Variants in WDR75 observed in about 807,000 individuals in gnomAD.
WDR75 encodes the protein WD repeat-containing protein 75.
Under a neutral mutation model 106.1 loss-of-function variants are expected in WDR75, and 52 were observed. The ratio of observed to expected loss-of-function variants is 0.49; its 90% CI spans 0.39 to 0.62. The LOEUF (loss-of-function observed/expected upper bound fraction) is 0.62, where lower values mean the gene tolerates loss of function less well. WDR75 is among the 20% of genes least tolerant of loss of function. WDR75 has a pLI of 0.00. For missense variants in WDR75, 905 were observed against 970.3 expected (o/e 0.93, Z 0.89); for synonymous variants, 333 against 335.5 (o/e 0.99, Z 0.08).
At position 189,441,507 on chromosome 2, in the gene WDR75, G is replaced by T; in HGVS notation, c.15G>T (p.Glu5Asp). 1.9e-6 allele frequency: 3 copies of T among 1,564,874 alleles called. No homozygotes were observed. The highest frequency in any genetic ancestry group is 2.6e-6 in the Non-Finnish European group (3 of 1,153,340). The change falls in exon 1 of 21, where the codon GAG becomes GAT. Residue 5 changes from glutamate to aspartate, a missense_variant. Coordinates refer to ENST00000314761, the MANE Select transcript of WDR75 (RefSeq NM_032168.3). The part of the protein sequence containing the change: MVEE[E>D]NIRVVRCGGS... ...ACTGCGCAAAGATGGTGGAGGAGGA[G>T]AACATCCGCGTGGTTCGTTGTGGCG...
intron 16 of WDR75, 84 bp downstream of exon 16, chr2:189,469,523 C>T: frequency 8.6e-7 from 1 of 1,165,458 alleles, no homozygotes; most frequent in Non-Finnish European, 1.3e-6. Context: ...AACTTGCCTT[C>T]ACATCAGATG....
Position 189,450,982 on chromosome 2 carries a change from T to C in WDR75, c.282+14T>C. The C allele has an allele frequency of 6.3e-7, 1 of 1,588,342 alleles. No individual in the cohort carries two copies. The highest frequency in any genetic ancestry group is 8.5e-7 in the Non-Finnish European group (1 of 1,173,490). ...ATCTTAATAAAGGTATGTGGATTGA[T>C]CTTTACTTTTCGTTATGTGAATAAA... On this transcript the variant is annotated intron_variant, in intron 3 of 20. Coordinates refer to ENST00000314761, the MANE Select transcript of WDR75 (RefSeq NM_032168.3).
chr2:189,447,749 T>C (rs1471060318), intron 1 of WDR75, among the ~76,000 whole-genome samples: 1 of 152,198 alleles, frequency 6.6e-6, no homozygotes, highest in Non-Finnish European at 1.5e-5. Context: ...GATGTCCCCA[T>C]AGACAAAAGG....
intron 2 of WDR75, chr2:189,450,301 C>A: frequency 1.0e-6 from 1 of 985,632 alleles, no homozygotes; most frequent in Non-Finnish European, 1.2e-6. Flanking sequence ...ACTGAGTAAG[C>A]TGAGTTCTGG....
intron 6 of WDR75, 79 bp from the exon 7 acceptor site, chr2:189,458,674 A>C: frequency 1.6e-6 from 2 of 1,262,248 alleles, no homozygotes; most frequent in Non-Finnish European, 2.1e-6. Flanking sequence ...TATTGCTGGG[A>C]ACTCTCTTTT....
At chr2:189,450,721 T>A in intron 2 of WDR75, 182 bp from the exon 3 acceptor site, 1 of 1,402,298 alleles carries the variant, frequency 7.1e-7, no homozygotes, top group Non-Finnish European at 9.2e-7. Flanking sequence ...TGGATCTGCT[T>A]CTTGCAGAAA....
chr2:189,449,110 T>C lies in WDR75; in HGVS notation c.216+602T>C, dbSNP rs534785991. On this transcript the variant is annotated intron_variant, in intron 2 of 20. Transcript: ENST00000314761. ...CACGTCCCCCACAAAGCAGCCCTTC[T>C]TTCTTAGTATTTAAGAATAATGAAA... 64 of 561,826 alleles carry C rather than the reference T, an allele frequency of 1.1e-4. No homozygotes were observed. In the East Asian group the frequency reaches 4.1e-3, roughly 36 times the overall value. The allele number at this position is 561,826 out of a possible 1,614,324, so 34.8% of individuals were successfully genotyped here. A position where few individuals can be genotyped will look rare whatever the true frequency, so the allele number is the denominator to read the frequency against.
intron 6 of WDR75, among the ~76,000 whole-genome samples, chr2:189,458,283 G>A (rs1686783695): frequency 6.6e-6 from 1 of 152,130 alleles, no homozygotes; most frequent in Admixed American, 6.5e-5. Context: ...AGATTGACAA[G>A]TATTCAGCCA....
At chr2:189,459,906 T>A (rs1686825596) in intron 8 of WDR75, among the ~76,000 whole-genome samples, 1 of 152,224 alleles carries the variant, frequency 6.6e-6, no homozygotes, top group Non-Finnish European at 1.5e-5. Flanking sequence ...GACCTGGTTC[T>A]GATTTTAGAG....
chr2:189,455,551 T>C, intron 5 of WDR75, 107 bp downstream of exon 5: 1 of 1,383,038 alleles, frequency 7.2e-7, no homozygotes, highest in South Asian at 1.5e-5. Context: ...CTTGAATTAC[T>C]ATATTTGTAT....
At chr2:189,447,502 G>A (rs1686525750) in intron 1 of WDR75, among the ~76,000 whole-genome samples, 1 of 152,214 alleles carries the variant, frequency 6.6e-6, no homozygotes, top group South Asian at 2.1e-4. Context: ...CCATGGAGAT[G>A]TTGGGGACAT....
At chr2:189,448,288 A>C in intron 1 of WDR75, 91 bp from the exon 2 acceptor site, 1 of 1,385,652 alleles carries the variant, frequency 7.2e-7, no homozygotes, top group East Asian at 2.6e-5. Flanking sequence ...GTTCAAGACC[A>C]CTGAAACAAT....
intron 12 of WDR75, 33 bp from the exon 13 acceptor site, chr2:189,466,392 G>C: frequency 6.2e-7 from 1 of 1,608,132 alleles, no homozygotes; most frequent in Non-Finnish European, 8.5e-7. Flanking sequence ...TTGTCCTCAT[G>C]CAAGAATAAA....
At chr2:189,453,328 A>G (rs1686665296) in intron 4 of WDR75, among the ~76,000 whole-genome samples, 1 of 152,202 alleles carries the variant, frequency 6.6e-6, no homozygotes, top group Non-Finnish European at 1.5e-5. Flanking sequence ...CTGCATTTTT[A>G]ATATCGTCCC....
chr2:189,452,610 A>C (rs911641789), intron 4 of WDR75, among the ~76,000 whole-genome samples: 2 of 152,142 alleles, frequency 1.3e-5, no homozygotes, highest in Non-Finnish European at 2.9e-5. Flanking sequence ...CTAAGTTATT[A>C]TTAATTACAT....
intron 8 of WDR75, among the ~76,000 whole-genome samples, chr2:189,460,522 T>C (rs1488562800): frequency 6.6e-6 from 1 of 151,990 alleles, no homozygotes; most frequent in Non-Finnish European, 1.5e-5. Flanking sequence ...TTTTTTTTTT[T>C]TAGACAAGGT....
chr2:189,459,312 A>G (rs1686812187), intron 7 of WDR75, 24 bp from the exon 8 acceptor site: 6 of 1,563,532 alleles, frequency 3.8e-6, no homozygotes, highest in Non-Finnish European at 4.4e-6. Flanking sequence ...TGGTCAAAAT[A>G]AGAGTTTTAT....
intron 4 of WDR75, among the ~76,000 whole-genome samples, chr2:189,455,106 T>C (rs1337727052): frequency 6.6e-6 from 1 of 151,966 alleles, no homozygotes; most frequent in African/African-American, 2.4e-5. Context: ...CCAGGCTTGA[T>C]GTCACATGCC....
chr2:189,446,472 A>G (rs550236868), intron 1 of WDR75, among the ~76,000 whole-genome samples: 40 of 152,202 alleles, frequency 2.6e-4, no homozygotes, highest in Non-Finnish European at 4.6e-4. Context: ...TTGCTCATAC[A>G]TTCTTGATCT....
Sources: allele counts gnomAD v4.1 joint callset (sites outside exome capture counted in the v4.1 genomes callset), GRCh38; gene constraint gnomAD v4.1.1; transcripts MANE v1.5; gene names NCBI Gene and HGNC (gene_info 2026-07-23, HGNC 2026-07-21).